AGBL4: variants seen among roughly 807,000 people sequenced by gnomAD.
The protein encoded by AGBL4 is cytosolic carboxypeptidase 6.
A neutral mutation model predicts 66.4 loss-of-function variants in AGBL4; 58 were observed. The observed-to-expected ratio is 0.87, with a 90% CI of 0.71 to 1.09. AGBL4 has a LOEUF of 1.09. Ranked by LOEUF, AGBL4 falls within the 50% of genes least tolerant of loss-of-function variation. The probability of loss-of-function intolerance (pLI) is 0.00; values close to 1 mark genes in which losing one functional copy is unlikely to be tolerated. For missense variants in AGBL4, 579 were observed against 631.0 expected, an observed-to-expected ratio of 0.92 and a Z score of 0.88; for synonymous variants, 234 against 222.9, an observed-to-expected ratio of 1.05 and a Z score of -0.44.
intron 2 of AGBL4, among the ~76,000 whole-genome samples, chr1:49,747,313 A>G (rs1226470254): frequency 6.6e-6 from 1 of 152,132 alleles, no homozygotes; most frequent in Non-Finnish European, 1.5e-5. Flanking sequence ...AATCTCCAGG[A>G]CTTATTACAG....
intron 3 of AGBL4, among the ~76,000 whole-genome samples, chr1:49,585,335 A>G (rs1313484083): frequency 6.6e-6 from 1 of 152,132 alleles, no homozygotes; most frequent in Non-Finnish European, 1.5e-5. Context: ...CTGCTAGGAA[A>G]TCTGCCCTAG....
At chr1:48,791,600 A>G (rs1018712481) in intron 6 of AGBL4, among the ~76,000 whole-genome samples, 2 of 152,240 alleles carry the variant, frequency 1.3e-5, no homozygotes, top group Admixed American at 1.3e-4. Context: ...AATGTAGTGG[A>G]GCAATCTGAA....
At chr1:48,775,709 A>C (rs1165714194) in intron 6 of AGBL4, among the ~76,000 whole-genome samples, 1 of 152,150 alleles carries the variant, frequency 6.6e-6, no homozygotes, top group African/African-American at 2.4e-5. Context: ...GAAGAACTGG[A>C]GCATAGGAGG....
chr1:48,887,427 A>G (rs952993358), intron 5 of AGBL4, among the ~76,000 whole-genome samples: 3 of 152,138 alleles, frequency 2.0e-5, no homozygotes, highest in African/African-American at 7.2e-5. Context: ...TTCCCACCGA[A>G]GAGGCAAGCA....
At chr1:49,419,397 T>C (rs1199026154) in intron 3 of AGBL4, among the ~76,000 whole-genome samples, 1 of 152,190 alleles carries the variant, frequency 6.6e-6, no homozygotes, top group Non-Finnish European at 1.5e-5. Context: ...ACTGCATATG[T>C]TAAAACCTAG....
At chr1:49,302,717 A>T (rs759915114) in intron 3 of AGBL4, among the ~76,000 whole-genome samples, 3 of 145,746 alleles carry the variant, frequency 2.1e-5, no homozygotes, top group Non-Finnish European at 4.5e-5. Flanking sequence ...AGGTTGTTAC[A>T]TAGGGAAACT....
intron 3 of AGBL4, among the ~76,000 whole-genome samples, chr1:49,260,684 A>G (rs1263560640): frequency 6.6e-6 from 1 of 152,162 alleles, no homozygotes; most frequent in Non-Finnish European, 1.5e-5. Context: ...CCAACCAAAA[A>G]GAGTCCAGGA....
chr1:48,992,023 C>T (rs28776564), intron 5 of AGBL4, among the ~76,000 whole-genome samples: 388 of 152,202 alleles, frequency 2.5e-3, no homozygotes, highest in Non-Finnish European at 3.9e-3. Flanking sequence ...GTCATGTTTT[C>T]CTGGATGATC....
intron 3 of AGBL4, among the ~76,000 whole-genome samples, chr1:49,474,708 G>A (rs1347832287): frequency 6.6e-6 from 1 of 151,936 alleles, no homozygotes; most frequent in Non-Finnish European, 1.5e-5. Flanking sequence ...AGAATCTTCA[G>A]GGTTTTATAG....
chr1:49,838,548 A>G (rs375947715), intron 2 of AGBL4, among the ~76,000 whole-genome samples: 7 of 152,224 alleles, frequency 4.6e-5, no homozygotes, highest in East Asian at 1.9e-4. Context: ...TGCCAACTCA[A>G]TTTGAAAGCT....
In AGBL4 at chr1:49,144,087, G is replaced by A. The variant is rs567697497; in HGVS notation, c.378-98287C>T. ...GGTATGGATTATATCCTGTCTTAGC[G>A]CCTATACTAGCAAGGCTAATTCATG... is the stretch of plus-strand genomic sequence containing the variant. On this transcript the variant is annotated intron_variant, in intron 4 of 13. Coordinates refer to ENST00000371839, the MANE Select transcript of AGBL4 (RefSeq NM_032785.4). Among the ~76,000 whole-genome samples the A allele has an allele frequency of 3.3e-5, 5 of 152,218 alleles. No homozygotes were observed. The East Asian group carries it at 5.8e-4, about 18-fold the overall frequency.
At chr1:49,946,368 C>G (rs554532211) in intron 1 of AGBL4, among the ~76,000 whole-genome samples, 1 of 151,996 alleles carries the variant, frequency 6.6e-6, no homozygotes, top group East Asian at 1.9e-4. Flanking sequence ...ATCTCTCAGA[C>G]CATAGTGGAA....
rs1330430749 is a variant in AGBL4 at position 49,757,460 on chromosome 1, G to A, written c.158-60023C>T. 2.0e-5 allele frequency among the ~76,000 whole-genome samples: 3 copies of A among 152,176 alleles called. No individual in the cohort carries two copies. In the East Asian group the frequency reaches 5.8e-4, roughly 29 times the overall value. Reference sequence around the variant, plus strand: ...GGCTCAAAAGAAGACAGAAAAGCGTGGGAAAGTTTGGATCTTCCTAGAGAC... The same window carrying A: ...GGCTCAAAAGAAGACAGAAAAGCGTAGGAAAGTTTGGATCTTCCTAGAGAC... On this transcript the variant is annotated intron_variant, in intron 2 of 13. Transcript: ENST00000371839.
chr1:49,313,391 G>A (rs546951527), intron 3 of AGBL4, among the ~76,000 whole-genome samples: 270 of 152,242 alleles, frequency 1.8e-3, no homozygotes, highest in Non-Finnish European at 3.2e-3. Context: ...TATATACCCA[G>A]TAATGGGATT....
At chr1:49,457,867 G>A (rs1055463740) in intron 3 of AGBL4, among the ~76,000 whole-genome samples, 3 of 151,388 alleles carry the variant, frequency 2.0e-5, no homozygotes, top group African/African-American at 4.8e-5. Context: ...ATAAATTGAC[G>A]GTAAGTATTT....
intron 3 of AGBL4, among the ~76,000 whole-genome samples, chr1:49,679,923 A>G (rs758575719): frequency 6.6e-6 from 1 of 152,114 alleles, no homozygotes; most frequent in African/African-American, 2.4e-5. Flanking sequence ...ATTGAACTGC[A>G]TTAGATGCTG....
intron 11 of AGBL4, among the ~76,000 whole-genome samples, chr1:48,553,102 T>A (rs1426031645): frequency 6.6e-6 from 1 of 152,102 alleles, no homozygotes; most frequent in East Asian, 1.9e-4. Flanking sequence ...GCCTCATGGC[T>A]TCCTCATTCC....
chr1:49,005,546 C>G (rs933160830), intron 5 of AGBL4, among the ~76,000 whole-genome samples: 10 of 152,018 alleles, frequency 6.6e-5, no homozygotes, highest in African/African-American at 1.9e-4. Flanking sequence ...TTCAAGTAAC[C>G]CTTATTTTAC....
rs989801506 is a variant in AGBL4 at position 48,653,473 on chromosome 1, G to A, written c.725-22C>T. 6 of 1,484,332 alleles carry A rather than the reference G, an allele frequency of 4.0e-6. No homozygotes were observed. In the Admixed American group the frequency reaches 1.0e-4, roughly 26 times the overall value. 91.9% of individuals were successfully genotyped at this position (1,484,332 alleles called of 1,614,324 possible). A position where few individuals can be genotyped will look rare whatever the true frequency, so the allele number is the denominator to read the frequency against. ...ATCCCTAGGGAAAGAGAAGAGCCCG[G>A]TTTAACAACAAAGCATTTCAAGAAG... On this transcript the variant is annotated intron_variant, in intron 7 of 13. Transcript: ENST00000371839.
Sources: gnomAD v4.1 joint callset for allele counts (sites outside exome capture counted in the v4.1 genomes callset) on GRCh38, gnomAD v4.1.1 for gene constraint, MANE v1.5 for transcripts, NCBI Gene and HGNC (gene_info 2026-07-23, HGNC 2026-07-21) for gene names.